Variants in RBFOX3 observed in about 807,000 individuals in gnomAD.
RBFOX3 encodes the protein RNA binding fox-1 homolog 3.
In RBFOX3, 17 loss-of-function variants were observed where a neutral mutation model predicts 48.7. That is an observed-to-expected ratio of 0.35 (90% CI 0.24 to 0.52). The LOEUF (loss-of-function observed/expected upper bound fraction) is 0.52. RBFOX3 is among the 20% of genes least tolerant of loss of function. The probability of loss-of-function intolerance (pLI) is 0.94; values close to 1 mark genes in which losing one functional copy is unlikely to be tolerated. For synonymous variants in RBFOX3, 212 were observed against 209.5 expected, an observed-to-expected ratio of 1.01 and a Z score of -0.10; for missense variants, 382 against 497.5, an observed-to-expected ratio of 0.77 and a Z score of 2.21.
At chr17:79,174,130 G>A (rs1398516014) in intron 4 of RBFOX3, among the ~76,000 whole-genome samples, 2 of 152,108 alleles carry the variant, frequency 1.3e-5, no homozygotes, top group African/African-American at 4.8e-5. Context: ...CCTGGTGGTG[G>A]GGACCAGGGA....
intron 2 of RBFOX3, among the ~76,000 whole-genome samples, chr17:79,317,296 T>C (rs1030964671): frequency 6.6e-6 from 1 of 152,260 alleles, no homozygotes; most frequent in African/African-American, 2.4e-5. Context: ...TTTAGATGTT[T>C]CTTTTCAAAC....
chr17:79,141,849 T>C (rs535122046), intron 4 of RBFOX3, among the ~76,000 whole-genome samples: 2 of 152,274 alleles, frequency 1.3e-5, no homozygotes, highest in African/African-American at 4.8e-5. Flanking sequence ...GTGAGCGTTA[T>C]CTATAAGAAC....
At chr17:79,420,123 T>TCACACACACACACA (rs1491201396) in intron 2 of RBFOX3, among the ~76,000 whole-genome samples, 1 of 62,050 alleles carries the variant, frequency 1.6e-5, no homozygotes, top group African/African-American at 7.2e-5. Context: ...CAAGACTCCG[T>TCACACACACACACA]CTCATACACA....
intron 1 of RBFOX3, among the ~76,000 whole-genome samples, chr17:79,534,437 G>T (rs2088353867): frequency 6.6e-6 from 1 of 152,174 alleles, no homozygotes; most frequent in Admixed American, 6.5e-5. Flanking sequence ...CGAATCCAAG[G>T]GGATCCCACA....
At chr17:79,521,218 A>ACACACACACACACATTCTCATGCCCAGG (rs2086024326) in intron 1 of RBFOX3, among the ~76,000 whole-genome samples, 1 of 132,994 alleles carries the variant, frequency 7.5e-6, no homozygotes, top group Non-Finnish European at 1.5e-5. Context: ...TCACGCTCAG[A>ACACACACACACACATTCTCATGCCCAGG]CACACACACA....
At chr17:79,099,867 C>T (rs759280094) in intron 9 of RBFOX3, 18 of 152,216 alleles carry the variant, frequency 1.2e-4, no homozygotes, top group African/African-American at 4.3e-4. Flanking sequence ...TGGAAACCTC[C>T]ACCCCCAACT....
At chr17:79,126,594 A>G (rs1055216673) in intron 4 of RBFOX3, among the ~76,000 whole-genome samples, 3 of 151,972 alleles carry the variant, frequency 2.0e-5, no homozygotes, top group South Asian at 4.2e-4. Context: ...CTGTCTATAC[A>G]CCCAAGGGCG....
intron 1 of RBFOX3, among the ~76,000 whole-genome samples, chr17:79,530,689 G>T (rs1423977745): frequency 6.6e-6 from 1 of 152,098 alleles, no homozygotes; most frequent in Non-Finnish European, 1.5e-5. Context: ...CAGCCCTCGG[G>T]TGCCTGCAAT....
chr17:79,137,457 G>C (rs1009204958), intron 4 of RBFOX3, among the ~76,000 whole-genome samples: 4 of 152,150 alleles, frequency 2.6e-5, no homozygotes, highest in East Asian at 3.9e-4. Flanking sequence ...ACCCAGACAC[G>C]CCTTACCCGA....
intron 4 of RBFOX3, among the ~76,000 whole-genome samples, chr17:79,231,750 T>C (rs1157123785): frequency 1.3e-5 from 2 of 152,196 alleles, no homozygotes; most frequent in Non-Finnish European, 2.9e-5. Context: ...TCAATATCCA[T>C]ACACAGAAAA....
In RBFOX3 at chr17:79,518,605, T is replaced by C. The variant is rs1416266711; in HGVS notation, c.-319-36007A>G. Among the ~76,000 whole-genome samples, 11 of 152,298 alleles carry C rather than the reference T, an allele frequency of 7.2e-5. No individual in the cohort carries two copies. The East Asian group carries it at 1.5e-3, about 21-fold the overall frequency. ...GCTGTGGGGAAGCCTACTGGATTTT[T>C]CTCCCACCACTGGAAGGGCAGGCCT... On this transcript the variant is annotated intron_variant, in intron 1 of 14. Transcript: ENST00000693108.
intron 1 of RBFOX3, among the ~76,000 whole-genome samples, chr17:79,521,282 G>A (rs934402906): frequency 8.0e-6 from 1 of 125,696 alleles, no homozygotes; most frequent in Non-Finnish European, 1.6e-5. Context: ...ACAGACACAT[G>A]CACAGACACA....
chr17:79,603,466 CG>C (rs1216597733), intron 1 of RBFOX3, among the ~76,000 whole-genome samples: 1 of 152,168 alleles, frequency 6.6e-6, no homozygotes, highest in East Asian at 1.9e-4. Context: ...TGCCTGGCTT[CG>C]GGGTGTTCCT....
rs894354784 is a variant in RBFOX3 at position 79,391,720 on chromosome 17, G to A, written c.-174-83896C>T. Reference sequence around the variant, plus strand: ...TGCGTGTGAGCGTGTGTGGGCACAGGAAAGTCTGTGTGCACGTGTGAGTTA... The same window carrying A: ...TGCGTGTGAGCGTGTGTGGGCACAGAAAAGTCTGTGTGCACGTGTGAGTTA... On this transcript the variant is annotated intron_variant, in intron 2 of 14. Coordinates refer to ENST00000693108, the MANE Select transcript of RBFOX3 (RefSeq NM_001350451.2). The surrounding 1 kb of genome is among the most constrained non-coding windows in gnomAD (Gnocchi z 5.0). Among the ~76,000 whole-genome samples, 2 of 152,184 alleles carry A rather than the reference G, an allele frequency of 1.3e-5. No individual in the cohort carries two copies. The highest frequency in any genetic ancestry group is 2.9e-5 in the Non-Finnish European group (2 of 68,022).
At chr17:79,446,309 A>T (rs1374329924) in intron 2 of RBFOX3, among the ~76,000 whole-genome samples, 3 of 152,194 alleles carry the variant, frequency 2.0e-5, no homozygotes, top group Admixed American at 1.3e-4. Context: ...TCTAAGCAGG[A>T]CATGGCTGCC....
chr17:79,336,560 A>T (rs1454510244), intron 2 of RBFOX3, among the ~76,000 whole-genome samples: 4 of 152,210 alleles, frequency 2.6e-5, no homozygotes, highest in Non-Finnish European at 5.9e-5. Context: ...TGGACTCACA[A>T]GGGCAGAAAT....
chr17:79,393,128 T>C (rs1336046760), intron 2 of RBFOX3, among the ~76,000 whole-genome samples: 1 of 152,214 alleles, frequency 6.6e-6, no homozygotes, highest in East Asian at 1.9e-4. Flanking sequence ...TGAACTGTGA[T>C]ATGAGCAAGA....
rs1397601835 is a variant in RBFOX3 at position 79,477,447 on chromosome 17, T to G, written c.-175+5007A>C. Among the ~76,000 whole-genome samples, 6 of 151,564 alleles carry G rather than the reference T, an allele frequency of 4.0e-5. No homozygotes were observed. Among genetic ancestry groups the G allele is most frequent in the Admixed American group, 2.6e-4 (4 of 15,230 alleles). ...GGCGGGCGCCTGTAGTCCCAGCTAC[T>G]TGGGAGGCTGAGGCAGGAGAATGGC... On this transcript the variant is annotated intron_variant, in intron 2 of 14. Coordinates refer to ENST00000693108, the MANE Select transcript of RBFOX3 (RefSeq NM_001350451.2). The surrounding 1 kb of genome is among the most constrained non-coding windows in gnomAD (Gnocchi z 4.8).
At chr17:79,549,212 C>A (rs1242844427) in intron 1 of RBFOX3, among the ~76,000 whole-genome samples, 1 of 152,256 alleles carries the variant, frequency 6.6e-6, no homozygotes, top group Non-Finnish European at 1.5e-5. Context: ...TCTCTCTGGG[C>A]TCTGCCAGGC....
Sources: allele counts gnomAD v4.1 joint callset (sites outside exome capture counted in the v4.1 genomes callset), GRCh38; gene constraint gnomAD v4.1.1; non-coding constraint Gnocchi (gnomAD v3.1); transcripts MANE v1.5; gene names NCBI Gene and HGNC (gene_info 2026-07-23, HGNC 2026-07-21).